Variants in KCNJ10 observed in about 807,000 individuals in gnomAD.
The protein encoded by KCNJ10 is potassium inwardly rectifying channel subfamily J member 10, also known as ATP-sensitive inward rectifier potassium channel 10.
In KCNJ10, 9 loss-of-function variants were observed where a neutral mutation model predicts 22.2. The ratio of observed to expected loss-of-function variants is 0.40; its 90% CI spans 0.24 to 0.71. The LOEUF (loss-of-function observed/expected upper bound fraction) is 0.71, where lower values mean the gene tolerates loss of function less well. KCNJ10 is among the 30% of genes least tolerant of loss of function. The pLI is 0.35. For synonymous variants in KCNJ10, 184 were observed against 187.3 expected (o/e 0.98, Z 0.15); for missense variants, 337 against 482.7 (o/e 0.70, Z 2.83).
At chr1:160,049,416 C>T (rs2101928283) in intron 1 of KCNJ10, among the ~76,000 whole-genome samples, 1 of 152,062 alleles carries the variant, frequency 6.6e-6, no homozygotes, top group Non-Finnish European at 1.5e-5. Flanking sequence ...TCCTGCACTT[C>T]TCTCTTCCTG....
At chr1:160,049,802 G>A (rs1648858552) in intron 1 of KCNJ10, among the ~76,000 whole-genome samples, 1 of 147,472 alleles carries the variant, frequency 6.8e-6, no homozygotes. Flanking sequence ...AGTAGGAGGG[G>A]ACTCCTAACC....
At chr1:160,056,747 G>A (rs928030863) in intron 1 of KCNJ10, among the ~76,000 whole-genome samples, 3 of 152,170 alleles carry the variant, frequency 2.0e-5, no homozygotes, top group African/African-American at 7.2e-5. Context: ...TTAGTAAAGA[G>A]GGAGGAATTA....
At chr1:160,065,693 C>T (rs1649308687) in intron 1 of KCNJ10, among the ~76,000 whole-genome samples, 1 of 152,042 alleles carries the variant, frequency 6.6e-6, no homozygotes, top group Non-Finnish European at 1.5e-5. Flanking sequence ...TGCAGTTCCA[C>T]AAGATATGGG....
chr1:160,062,016 G>A (rs1649209569), intron 1 of KCNJ10, among the ~76,000 whole-genome samples: 1 of 151,992 alleles, frequency 6.6e-6, no homozygotes, highest in Admixed American at 6.5e-5. Flanking sequence ...CGAGAAGTGG[G>A]CAGGCTCTGA....
intron 1 of KCNJ10, among the ~76,000 whole-genome samples, chr1:160,065,448 C>T (rs1649301769): frequency 6.6e-6 from 1 of 152,256 alleles, no homozygotes; most frequent in East Asian, 1.9e-4. Flanking sequence ...CTAGAGGAAA[C>T]CCCCGGCTAA....
At chr1:160,066,852 T>C (rs972603453) in intron 1 of KCNJ10, among the ~76,000 whole-genome samples, 1 of 152,196 alleles carries the variant, frequency 6.6e-6, no homozygotes, top group African/African-American at 2.4e-5. Context: ...TGGTGGTTTT[T>C]GTTTTGTTTT....
At chr1:160,064,572 A>C (rs1649271994) in intron 1 of KCNJ10, among the ~76,000 whole-genome samples, 1 of 152,194 alleles carries the variant, frequency 6.6e-6, no homozygotes, top group Non-Finnish European at 1.5e-5. Context: ...AACACAGTAA[A>C]TGTTCATAGA....
At chr1:160,060,637 C>T (rs1649168588) in intron 1 of KCNJ10, among the ~76,000 whole-genome samples, 1 of 152,094 alleles carries the variant, frequency 6.6e-6, no homozygotes, top group Non-Finnish European at 1.5e-5. Context: ...CAACTGTGAC[C>T]CCATCCACCC....
chr1:160,042,227 C>T lies in KCNJ10; in HGVS notation c.306G>A (p.Pro102=), dbSNP rs561081191. The T allele has an allele frequency of 1.5e-5, 25 of 1,613,564 alleles. No homozygotes were observed. The highest frequency in any genetic ancestry group is 1.6e-4 in the Middle Eastern group (1 of 6,062). Residue 102 remains proline, a synonymous_variant, in exon 2 of 2, where the codon CCG becomes CCA. Transcript: ENST00000644903. The part of the protein sequence containing the change: ...AHGDLLELDP[P]ANHTPCVVQV... The stretch of plus-strand genomic sequence containing the variant: ...GTACCACACAGGGGGTGTGGTTGGC[C>T]GGGGGGTCCAGCTCCAGCAGGTCCC...
chr1:160,052,103 C>G (rs980518103), intron 1 of KCNJ10, among the ~76,000 whole-genome samples: 1 of 152,154 alleles, frequency 6.6e-6, no homozygotes, highest in Non-Finnish European at 1.5e-5. Flanking sequence ...ATTCTAAGCC[C>G]AAAAGCCTCC....
chr1:160,046,606 A>G (rs891970760), intron 1 of KCNJ10, among the ~76,000 whole-genome samples: 11 of 152,062 alleles, frequency 7.2e-5, no homozygotes, highest in African/African-American at 2.7e-4. Context: ...CTCCAGCTGT[A>G]GTGCCTGTGG....
rs55920526 is a variant in KCNJ10, at chr1:160,057,298, G to C, written c.-1+12724C>G. Among the ~76,000 whole-genome samples the C allele has an allele frequency of 8.2e-3, 1,250 of 152,314 alleles. 13 individuals are homozygous for C. The highest frequency in any genetic ancestry group is 0.013 in the Non-Finnish European group (872 of 68,024). ...ATTTAATGGCAAAGCCAGACCCCAT[G>C]TCTCCAAATCCTGTGGGCTTTTCCC... On this transcript the variant is annotated intron_variant, in intron 1 of 1. Transcript: ENST00000644903.
At position 160,041,035 on chromosome 1, in the gene KCNJ10, T is replaced by A; in HGVS notation, c.*358A>T. 2.8e-6 allele frequency: 1 copy of A among 360,332 alleles called. No individual in the cohort carries two copies. Among genetic ancestry groups the A allele is most frequent in the African/African-American group, 2.0e-5 (1 of 49,350 alleles). 22.3% of individuals were successfully genotyped at this position (360,332 alleles called of 1,614,324 possible). A position where few individuals can be genotyped will look rare whatever the true frequency, so the allele number is the denominator to read the frequency against. On this transcript the variant is annotated 3_prime_UTR_variant, in exon 2 of 2. Transcript: ENST00000644903. The surrounding 1 kb of genome is among the most constrained non-coding windows in gnomAD (Gnocchi z 4.4). ...TCCAGCCTCAAGTCACCAAACTTCA[T>A]GGTGGTGGTGGGAGGTAGGGGGCAG...
chr1:160,044,531 T>C (rs922177912), intron 1 of KCNJ10, among the ~76,000 whole-genome samples: 1 of 152,140 alleles, frequency 6.6e-6, no homozygotes, highest in East Asian at 1.9e-4. Flanking sequence ...AAATTAGAGA[T>C]GAATGAACAT....
chr1:160,055,292 G>T (rs577739081), intron 1 of KCNJ10, among the ~76,000 whole-genome samples: 13 of 152,248 alleles, frequency 8.5e-5, no homozygotes, highest in African/African-American at 1.4e-4. Context: ...GCCAGTCTAG[G>T]GGGGGCAGGG....
At chr1:160,066,129 G>T (rs1649318639) in intron 1 of KCNJ10, among the ~76,000 whole-genome samples, 1 of 152,152 alleles carries the variant, frequency 6.6e-6, no homozygotes, top group South Asian at 2.1e-4. Flanking sequence ...AGAAGTCTTT[G>T]GCTGAAAGAG....
At chr1:160,058,162 C>G (rs868092618) in intron 1 of KCNJ10, among the ~76,000 whole-genome samples, 54 of 152,220 alleles carry the variant, frequency 3.5e-4, no homozygotes, top group African/African-American at 1.3e-3. Flanking sequence ...TTCTACATCA[C>G]TTTTCCTCCT....
chr1:160,064,208 C>T (rs527288807), intron 1 of KCNJ10, among the ~76,000 whole-genome samples: 8 of 152,324 alleles, frequency 5.3e-5, no homozygotes, highest in African/African-American at 9.6e-5. Context: ...TGGACCCTTT[C>T]GGAGGGTTCC....
intron 1 of KCNJ10, chr1:160,064,881 C>G (rs1252434849): frequency 6.6e-6 from 1 of 152,282 alleles, no homozygotes. Flanking sequence ...GGGAGGTGAC[C>G]TCACATGTCT....
Sources: gnomAD v4.1 joint callset for allele counts (sites outside exome capture counted in the v4.1 genomes callset) on GRCh38, gnomAD v4.1.1 for gene constraint, Gnocchi (gnomAD v3.1) non-coding constraint, MANE v1.5 for transcripts, NCBI Gene and HGNC (gene_info 2026-07-23, HGNC 2026-07-21) for gene names.